Variants in COL21A1 observed in about 807,000 individuals in gnomAD.
The protein encoded by COL21A1 is collagen alpha-1(XXI) chain.
COL21A1 carries 149 observed loss-of-function variants against 137.9 expected under a neutral mutation model. The observed-to-expected ratio is 1.08, with a 90% CI of 0.95 to 1.24. The LOEUF (loss-of-function observed/expected upper bound fraction) is 1.24, where lower values mean the gene tolerates loss of function less well. COL21A1 is among the 50% of genes most tolerant of loss of function. The probability of loss-of-function intolerance (pLI) is 0.00; values close to 1 mark genes in which losing one functional copy is unlikely to be tolerated. For synonymous variants in COL21A1, 456 were observed against 391.5 expected (o/e 1.16, Z -1.95); for missense variants, 1,167 against 1,158.4 (o/e 1.01, Z -0.11).
intron 1 of COL21A1, among the ~76,000 whole-genome samples, chr6:56,234,865 T>C (rs1183193084): frequency 2.6e-5 from 4 of 151,628 alleles, no homozygotes; most frequent in African/African-American, 2.4e-5. Context: ...TGGCAGACTA[T>C]TGACAAATGT....
At chr6:56,353,913 T>A (rs1429164923) in intron 1 of COL21A1, among the ~76,000 whole-genome samples, 1 of 152,140 alleles carries the variant, frequency 6.6e-6, no homozygotes, top group Non-Finnish European at 1.5e-5. Flanking sequence ...ATTTTTAAAT[T>A]TAAATATCAC....
intron 1 of COL21A1, among the ~76,000 whole-genome samples, chr6:56,344,907 A>C (rs1243138185): frequency 1.3e-5 from 2 of 152,160 alleles, no homozygotes; most frequent in Non-Finnish European, 2.9e-5. Context: ...TTTCCTGTAC[A>C]GCCTGTGGAA....
chr6:56,277,965 C>T (rs2152333504), intron 1 of COL21A1, among the ~76,000 whole-genome samples: 1 of 152,276 alleles, frequency 6.6e-6, no homozygotes, highest in Admixed American at 6.5e-5. Context: ...TTTTGGTCAA[C>T]ATTAAAGACT....
At chr6:56,096,462 T>A (rs1381863499) in intron 17 of COL21A1, among the ~76,000 whole-genome samples, 1 of 152,238 alleles carries the variant, frequency 6.6e-6, no homozygotes, top group African/African-American at 2.4e-5. Context: ...CTATCTGGTG[T>A]TAGACCTGAG....
chr6:56,339,312 A>G (rs1452587133), intron 1 of COL21A1, among the ~76,000 whole-genome samples: 1 of 152,170 alleles, frequency 6.6e-6, no homozygotes, highest in African/African-American at 2.4e-5. Context: ...GGCAACGTCT[A>G]TGTTTTATTA....
chr6:56,298,544 T>C lies in COL21A1; in HGVS notation c.-39+95427A>G, dbSNP rs898808544. 7.9e-5 allele frequency among the ~76,000 whole-genome samples: 12 copies of C among 151,906 alleles called. No individual in the cohort carries two copies. In the South Asian group the frequency reaches 2.3e-3, roughly 29 times the overall value. Reference sequence around the variant, plus strand: ...TGGTCTGAGGATGAAGGAGAAATGATCTAAAAATAGTAATAAGGAGTGAAA... The same window carrying C: ...TGGTCTGAGGATGAAGGAGAAATGACCTAAAAATAGTAATAAGGAGTGAAA... On this transcript the variant is annotated intron_variant, in intron 1 of 28. Transcript: ENST00000370819.
intron 25 of COL21A1, 145 bp from the exon 26 acceptor site, chr6:56,061,182 T>C (rs1765771086): frequency 1.4e-6 from 1 of 705,512 alleles, no homozygotes; most frequent in African/African-American, 1.8e-5. Flanking sequence ...AATATTGTCA[T>C]TGACCAGAAG....
At chr6:56,360,764 T>C (rs191637358) in intron 1 of COL21A1, among the ~76,000 whole-genome samples, 33 of 152,296 alleles carry the variant, frequency 2.2e-4, no homozygotes, top group African/African-American at 7.5e-4. Flanking sequence ...CTCACCTTTT[T>C]TCTTATTTGT....
At chr6:56,393,905 C>G (rs1173889526) in intron 1 of COL21A1, 2 of 152,264 alleles carry the variant, frequency 1.3e-5, no homozygotes, top group East Asian at 3.9e-4. Flanking sequence ...GTAGAAACGG[C>G]GAGAAGAGCC....
intron 1 of COL21A1, among the ~76,000 whole-genome samples, chr6:56,295,655 A>G (rs888223487): frequency 1.3e-5 from 2 of 151,886 alleles, no homozygotes; most frequent in African/African-American, 4.8e-5. Context: ...GATTTTGGAC[A>G]TATTCTGTAA....
At chr6:56,296,423 T>A (rs984903566) in intron 1 of COL21A1, among the ~76,000 whole-genome samples, 1 of 151,990 alleles carries the variant, frequency 6.6e-6, no homozygotes, top group Non-Finnish European at 1.5e-5. Flanking sequence ...TATCTACTAA[T>A]GACTTTAAAA....
chr6:56,305,063 T>C (rs1365707135), intron 1 of COL21A1, among the ~76,000 whole-genome samples: 1 of 152,268 alleles, frequency 6.6e-6, no homozygotes, highest in Non-Finnish European at 1.5e-5. Context: ...TTCTTAATCC[T>C]GAGTTCTAAT....
At chr6:56,297,874 G>A (rs953058940) in intron 1 of COL21A1, among the ~76,000 whole-genome samples, 1 of 151,990 alleles carries the variant, frequency 6.6e-6, no homozygotes, top group South Asian at 2.1e-4. Flanking sequence ...GCTGGTAGCC[G>A]TCTATCATTT....
Position 56,182,603 on chromosome 6 carries a change from T to C in COL21A1, c.16A>G (p.Thr6Ala). The C allele has an allele frequency of 6.2e-7, 1 of 1,602,606 alleles. No individual in the cohort carries two copies. The highest frequency in any genetic ancestry group is 8.5e-7 in the Non-Finnish European group (1 of 1,173,412). ...AGCACCAAAACCATGCAGAGAAATG[T>C]AATATAGTGAGCCATGTTTCTGTTT... MAHYI[T>A]FLCMVLVLLL... The change falls in exon 2 of 30, where the codon ACA (threonine) becomes GCA (alanine). Residue 6 changes from threonine to alanine, a missense_variant. Physicochemically the swap from Thr to Ala is moderately conservative, Grantham distance 58. Coordinates refer to ENST00000244728, the MANE Select transcript of COL21A1 (RefSeq NM_030820.4).
chr6:56,361,357 G>A (rs1480068788), intron 1 of COL21A1, among the ~76,000 whole-genome samples: 1 of 152,108 alleles, frequency 6.6e-6, no homozygotes, highest in Non-Finnish European at 1.5e-5. Flanking sequence ...TCATGATTTT[G>A]TTTGCAGGTT....
chr6:56,217,733 T>C (rs1424812041), intron 1 of COL21A1, among the ~76,000 whole-genome samples: 1 of 152,084 alleles, frequency 6.6e-6, no homozygotes, highest in African/African-American at 2.4e-5. Flanking sequence ...AAACAACCTA[T>C]AGGAGTCAGT....
rs567296101 is a variant in COL21A1 at position 56,281,233 on chromosome 6, T to C, written c.-38-98577A>G. On this transcript the variant is annotated intron_variant, in intron 1 of 28. Coordinates refer to the COL21A1 transcript ENST00000370819. ...TTTGGGCTGACAGAATAAAAGAAAATGAGAGCTTTCATATGTCTTTGAAGA... is the reference window on the plus strand; with the variant it reads ...TTTGGGCTGACAGAATAAAAGAAAACGAGAGCTTTCATATGTCTTTGAAGA... 4.6e-5 allele frequency among the ~76,000 whole-genome samples: 7 copies of C among 152,166 alleles called. No individual in the cohort carries two copies. The South Asian group carries it at 1.5e-3, about 32-fold the overall frequency.
At chr6:56,200,791 T>C (rs1779341332) in intron 1 of COL21A1, among the ~76,000 whole-genome samples, 1 of 152,154 alleles carries the variant, frequency 6.6e-6, no homozygotes, top group South Asian at 2.1e-4. Flanking sequence ...TATAGCAGCA[T>C]GATTTATAAT....
intron 25 of COL21A1, among the ~76,000 whole-genome samples, chr6:56,061,430 G>T (rs1244193834): frequency 6.6e-6 from 1 of 151,986 alleles, no homozygotes; most frequent in Admixed American, 6.6e-5. Flanking sequence ...CTCCAAGTCT[G>T]GAAGAAAAAC....
Sources: allele counts gnomAD v4.1 joint callset (sites outside exome capture counted in the v4.1 genomes callset), GRCh38; gene constraint gnomAD v4.1.1; transcripts MANE v1.5; gene names NCBI Gene and HGNC (gene_info 2026-07-23, HGNC 2026-07-21).